The following TTLL6 variants were observed in gnomAD, a reference collection of about 807,000 sequenced individuals.
TTLL6 encodes tubulin tyrosine ligase like 6, also known as tubulin polyglutamylase TTLL6.
In TTLL6, 75 loss-of-function variants were observed where a neutral mutation model predicts 96.4. The ratio of observed to expected loss-of-function variants is 0.78; its 90% CI spans 0.65 to 0.94. The LOEUF (loss-of-function observed/expected upper bound fraction) is 0.94, where lower values mean the gene tolerates loss of function less well. Ranked by LOEUF, TTLL6 falls within the 40% of genes least tolerant of loss-of-function variation. The probability of loss-of-function intolerance (pLI) is 0.00; values close to 1 mark genes in which losing one functional copy is unlikely to be tolerated. For synonymous variants in TTLL6, 411 were observed against 419.4 expected (o/e 0.98, Z 0.24); for missense variants, 1,030 against 1,093.0 (o/e 0.94, Z 0.81).
chr17:48,789,888 A>G, intron 10 of TTLL6, 43 bp downstream of exon 10: 1 of 1,598,810 alleles, frequency 6.3e-7, no homozygotes, highest in Non-Finnish European at 8.5e-7. Context: ...GGAGCAGGGG[A>G]GTCAGAGAGA....
intron 1 of TTLL6, among the ~76,000 whole-genome samples, chr17:48,816,041 G>A (rs557596456): frequency 1.3e-5 from 2 of 152,266 alleles, no homozygotes; most frequent in African/African-American, 2.4e-5. Flanking sequence ...AAGTAAAATG[G>A]GGATGATAAT....
At chr17:48,815,651 T>G (rs2039658140) in intron 1 of TTLL6, 2 of 152,244 alleles carry the variant, frequency 1.3e-5, no homozygotes, top group Admixed American at 6.5e-5. Flanking sequence ...ACTTTTCGTT[T>G]TAGTCACACT....
chr17:48,799,693 C>T lies in TTLL6; in HGVS notation c.679G>A (p.Gly227Ser). The T allele has an allele frequency of 1.3e-6, 2 of 1,551,780 alleles. No homozygotes were observed. The highest frequency in any genetic ancestry group is 2.7e-5 in the African/African-American group (2 of 73,170). The change falls in exon 6 of 16, where the codon GGC (glycine) becomes AGC (serine). Residue 227 changes from glycine to serine, a missense_variant. By Grantham distance (56) the Gly-to-Ser change is moderately conservative. Coordinates refer to ENST00000393382, the MANE Select transcript of TTLL6 (RefSeq NM_001130918.3). Reference protein sequence around the residue: ...NKTYICKPDSGCQGKGIFITR... With the variant: ...NKTYICKPDSSCQGKGIFITR... ...ATGAATATACCTTTCCCTTGGCAGC[C>T]CGAATCCGGCTTACAAATGTATGTC... is the stretch of plus-strand genomic sequence containing the variant.
intron 15 of TTLL6, among the ~76,000 whole-genome samples, chr17:48,767,587 C>A (rs1013327685): frequency 1.3e-5 from 2 of 152,138 alleles, no homozygotes; most frequent in African/African-American, 4.8e-5. Context: ...GGGGCCAGGT[C>A]AGAGTATCTG....
intron 7 of TTLL6, 28 bp from the exon 8 acceptor site, chr17:48,796,174 G>T (rs757080537): frequency 6.5e-7 from 1 of 1,538,612 alleles, no homozygotes; most frequent in South Asian, 1.2e-5. Context: ...CATCTGTCGG[G>T]TCAGCTCGGA....
intron 6 of TTLL6, among the ~76,000 whole-genome samples, chr17:48,798,578 C>T (rs1777049660): frequency 6.6e-6 from 1 of 151,668 alleles, no homozygotes; most frequent in South Asian, 2.1e-4. Context: ...AAAAAAATAA[C>T]AATTACAAAT....
chr17:48,790,338 C>CA (rs1194907955), intron 9 of TTLL6, among the ~76,000 whole-genome samples: 6 of 152,186 alleles, frequency 3.9e-5, no homozygotes, highest in Non-Finnish European at 8.8e-5. Context: ...TTGGGAGCAT[C>CA]AGGGTTACCC....
chr17:48,810,679 T>C (rs984010609), intron 1 of TTLL6, among the ~76,000 whole-genome samples: 5 of 151,322 alleles, frequency 3.3e-5, no homozygotes, highest in Non-Finnish European at 7.4e-5. Flanking sequence ...TGGGCAACAG[T>C]GAGACCCTGT....
At chr17:48,810,843 A>G (rs1254492298) in intron 1 of TTLL6, among the ~76,000 whole-genome samples, 4 of 136,696 alleles carry the variant, frequency 2.9e-5, no homozygotes, top group Non-Finnish European at 6.3e-5. Flanking sequence ...ATATATATAT[A>G]TATATATATA....
At chr17:48,791,025 G>A (rs879467706) in intron 9 of TTLL6, among the ~76,000 whole-genome samples, 1 of 152,146 alleles carries the variant, frequency 6.6e-6, no homozygotes, top group Non-Finnish European at 1.5e-5. Context: ...GGGCACCGCC[G>A]CTCCTGTCTG....
chr17:48,785,320 TA>T, intron 12 of TTLL6, 119 bp from the exon 13 acceptor site: 1 of 1,429,402 alleles, frequency 7.0e-7, no homozygotes. Context: ...CAGTCGATAG[TA>T]AAGTCTCTCT....
At chr17:48,787,684 C>T (rs530215412) in intron 11 of TTLL6, 127 bp downstream of exon 11, 11 of 905,084 alleles carry the variant, frequency 1.2e-5, no homozygotes, top group Admixed American at 2.7e-5. Flanking sequence ...GCGTGAGCCA[C>T]GGCGCCTGGT....
rs1212294944 is a variant in TTLL6, at chr17:48,762,986, A to T, written c.*1-13T>A. On this transcript the variant is annotated splice_polypyrimidine_tract_variant and intron_variant, in intron 15 of 15. Coordinates refer to ENST00000393382, the MANE Select transcript of TTLL6 (RefSeq NM_001130918.3). ...ATCCAGTCTGATTCTGGAAAAAAAA[A>T]ATTTTTTTTTTAGATTTTCCTTTAA... is the stretch of plus-strand genomic sequence containing the variant. 3 of 437,238 alleles carry T rather than the reference A, an allele frequency of 6.9e-6. No homozygotes were observed. Among genetic ancestry groups the T allele is most frequent in the South Asian group, 4.9e-5 (3 of 60,698 alleles). The allele number at this position is 437,238 out of a possible 1,614,324, so 27.1% of individuals were successfully genotyped here. A position where few individuals can be genotyped will look rare whatever the true frequency, so the allele number is the denominator to read the frequency against.
chr17:48,785,084 T>C lies in TTLL6; in HGVS notation c.1879A>G (p.Ser627Gly). 2 of 1,614,170 alleles carry C rather than the reference T, an allele frequency of 1.2e-6. No homozygotes were observed. The highest frequency in any genetic ancestry group is 1.7e-6 in the Non-Finnish European group (2 of 1,180,028). The change falls in exon 13 of 16, where the codon AGC becomes GGC. Residue 627 changes from serine (S) to glycine (G), a missense_variant. By Grantham distance (56) the Ser-to-Gly change is moderately conservative (BLOSUM62 0). Coordinates refer to ENST00000393382, the MANE Select transcript of TTLL6 (RefSeq NM_001130918.3). ...GACGTCAGCTTGGGGAAAACAGAGCTGGCCTCCTCCGTGGGAGCCTCCTGG... is the reference window on the plus strand; with the variant it reads ...GACGTCAGCTTGGGGAAAACAGAGCCGGCCTCCTCCGTGGGAGCCTCCTGG... ...LNQEAPTEEA[S>G]SVFPKLTSAK...
chr17:48,771,968 G>A (rs925644876), intron 13 of TTLL6, among the ~76,000 whole-genome samples: 5 of 151,992 alleles, frequency 3.3e-5, no homozygotes, highest in African/African-American at 9.7e-5. Flanking sequence ...CCACCTACTC[G>A]GGAGGCTGAG....
chr17:48,816,270 C>T (rs2039665958), intron 1 of TTLL6, among the ~76,000 whole-genome samples: 1 of 150,704 alleles, frequency 6.6e-6, no homozygotes, highest in Non-Finnish European at 1.5e-5. Context: ...AAGTGAGCCC[C>T]CCCACCCCCA....
chr17:48,782,109 T>C (rs1322566753), intron 13 of TTLL6, among the ~76,000 whole-genome samples: 3 of 148,450 alleles, frequency 2.0e-5, no homozygotes, highest in Non-Finnish European at 3.0e-5. Flanking sequence ...TCTTTTCTTT[T>C]TTTTTTTTTT....
At position 48,790,124 on chromosome 17, in the gene TTLL6, G is replaced by C. The variant is rs747190449; in HGVS notation, c.1225-18C>G. On this transcript the variant is annotated intron_variant, in intron 9 of 15. Coordinates refer to ENST00000393382, the MANE Select transcript of TTLL6 (RefSeq NM_001130918.3). ...TGGTTGACCTGTGAGGGCAAGATTG[G>C]CAGCTGGTGACAAAGCCGTCCAGAA... 1.1e-5 allele frequency: 18 copies of C among 1,611,338 alleles called. No individual in the cohort carries two copies. The highest frequency in any genetic ancestry group is 1.3e-5 in the Non-Finnish European group (15 of 1,178,506).
Position 48,762,300 on chromosome 17 carries a change from G to C in TTLL6, c.*674C>G, listed in dbSNP as rs2038503211. The C allele has an allele frequency of 6.6e-6, 1 of 152,176 alleles. No individual in the cohort carries two copies. Among genetic ancestry groups the C allele is most frequent in the African/African-American group, 2.4e-5 (1 of 41,454 alleles). The allele number at this position is 152,176 out of a possible 1,614,324, so 9.4% of individuals were successfully genotyped here. A position where few individuals can be genotyped will look rare whatever the true frequency, so the allele number is the denominator to read the frequency against. On this transcript the variant is annotated 3_prime_UTR_variant, in exon 16 of 16. Transcript: ENST00000393382. ...AAGGGAAAGTGTAACATTTCTGCAG[G>C]CTGATAGAAGAAGCATCTTCAGGCT... is the stretch of plus-strand genomic sequence containing the variant.
Sources: gnomAD v4.1 joint callset for allele counts (sites outside exome capture counted in the v4.1 genomes callset) on GRCh38, gnomAD v4.1.1 for gene constraint, MANE v1.5 for transcripts, NCBI Gene and HGNC (gene_info 2026-07-23, HGNC 2026-07-21) for gene names.